Variants in VAT1L observed in about 807,000 individuals in gnomAD.
VAT1L encodes vesicle amine transport 1 like.
In VAT1L, 34 loss-of-function variants were observed where a neutral mutation model predicts 44.1. That is an observed-to-expected ratio of 0.77 (90% CI 0.59 to 1.03). The LOEUF is 1.03. Among genes scored for constraint, VAT1L ranks in the 50% least tolerant of loss-of-function variants. The probability of loss-of-function intolerance (pLI) is 0.00; values close to 1 mark genes in which losing one functional copy is unlikely to be tolerated. For missense variants in VAT1L, 615 were observed against 538.8 expected (o/e 1.14, Z -1.40); for synonymous variants, 253 against 202.2 (o/e 1.25, Z -2.13).
intron 1 of VAT1L, among the ~76,000 whole-genome samples, chr16:77,805,527 G>C (rs1014867038): frequency 1.1e-4 from 16 of 150,990 alleles, no homozygotes; most frequent in African/African-American, 3.7e-4. Flanking sequence ...CAAGACGAGA[G>C]CAGAATAAGC....
chr16:77,937,213 T>C (rs1434424137), intron 7 of VAT1L, among the ~76,000 whole-genome samples: 3 of 151,982 alleles, frequency 2.0e-5, no homozygotes, highest in Admixed American at 1.3e-4. Flanking sequence ...CACCTGGGAG[T>C]AGCCCCAGCC....
chr16:77,945,257 G>A (rs1261048687), intron 7 of VAT1L, among the ~76,000 whole-genome samples: 1 of 138,076 alleles, frequency 7.2e-6, no homozygotes, highest in Non-Finnish European at 1.6e-5. Context: ...CACTTGGAAT[G>A]GCCAATTCCA....
chr16:77,801,783 G>C (rs965548327), intron 1 of VAT1L: 2 of 150,382 alleles, frequency 1.3e-5, no homozygotes, highest in African/African-American at 4.9e-5. Context: ...TCTACGCTAC[G>C]CCTAGTTCAA....
intron 7 of VAT1L, among the ~76,000 whole-genome samples, chr16:77,900,584 A>G (rs2017370414): frequency 6.6e-6 from 1 of 151,778 alleles, no homozygotes; most frequent in African/African-American, 2.4e-5. Context: ...AGTCCCAGCT[A>G]CTTAGGAGGC....
chr16:77,857,810 AT>A (rs2142438949), intron 3 of VAT1L, among the ~76,000 whole-genome samples: 1 of 149,998 alleles, frequency 6.7e-6, no homozygotes, highest in African/African-American at 2.4e-5. Context: ...TACATAAGTG[AT>A]TTGGATTACC....
chr16:77,815,518 G>A (rs1431697269), intron 1 of VAT1L, among the ~76,000 whole-genome samples: 1 of 152,156 alleles, frequency 6.6e-6, no homozygotes, highest in Non-Finnish European at 1.5e-5. Context: ...AGAAGGTGGT[G>A]AGTTTTGAGC....
At chr16:77,945,249 C>CT (rs1198352654) in intron 7 of VAT1L, among the ~76,000 whole-genome samples, 1 of 139,220 alleles carries the variant, frequency 7.2e-6, no homozygotes, top group Non-Finnish European at 1.6e-5. Context: ...CACTGACTCA[C>CT]TTGGAATGGC....
intron 2 of VAT1L, among the ~76,000 whole-genome samples, chr16:77,823,181 C>T (rs989069001): frequency 2.6e-5 from 4 of 151,890 alleles, no homozygotes; most frequent in South Asian, 2.1e-4. Context: ...GAGCGCTCAC[C>T]TCCAGGCTAC....
intron 7 of VAT1L, among the ~76,000 whole-genome samples, chr16:77,959,219 C>T (rs77250198): frequency 0.083 from 12,582 of 152,210 alleles, 582 homozygotes; most frequent in Middle Eastern, 0.12. Flanking sequence ...CCTTTCTCTA[C>T]CCTTCCAGTC....
chr16:77,948,419 A>G (rs1431185594), intron 7 of VAT1L, among the ~76,000 whole-genome samples: 1 of 152,182 alleles, frequency 6.6e-6, no homozygotes, highest in African/African-American at 2.4e-5. Context: ...CCATCATCAA[A>G]CATATGCTGG....
At chr16:77,817,304 A>G (rs767947631) in intron 2 of VAT1L, among the ~76,000 whole-genome samples, 1 of 152,196 alleles carries the variant, frequency 6.6e-6, no homozygotes, top group Non-Finnish European at 1.5e-5. Context: ...CATGTCATGC[A>G]GCTATTCAAC....
intron 3 of VAT1L, among the ~76,000 whole-genome samples, chr16:77,862,223 A>G (rs1236837121): frequency 6.6e-6 from 1 of 152,188 alleles, no homozygotes; most frequent in Admixed American, 6.5e-5. Context: ...GGTTGTCACA[A>G]CTGGGAGGAT....
chr16:77,814,185 A>G (rs990034893), intron 1 of VAT1L, among the ~76,000 whole-genome samples: 1 of 152,180 alleles, frequency 6.6e-6, no homozygotes, highest in Admixed American at 6.5e-5. Flanking sequence ...GACACAAACT[A>G]AACGCTCAGC....
chr16:77,815,337 C>G (rs1376595880), intron 1 of VAT1L, among the ~76,000 whole-genome samples: 1 of 152,198 alleles, frequency 6.6e-6, no homozygotes, highest in Non-Finnish European at 1.5e-5. Context: ...CTTCATTCAG[C>G]AGATGTTACT....
chr16:77,916,026 T>C (rs904508550), intron 7 of VAT1L, among the ~76,000 whole-genome samples: 3 of 152,156 alleles, frequency 2.0e-5, no homozygotes, highest in African/African-American at 7.2e-5. Context: ...AAGTCATTCA[T>C]TGAGAGCTGT....
chr16:77,895,503 A>T (rs773077422), intron 7 of VAT1L, among the ~76,000 whole-genome samples: 1 of 152,152 alleles, frequency 6.6e-6, no homozygotes, highest in Admixed American at 6.5e-5. Flanking sequence ...TTGGAGTCAG[A>T]GGAGCAGATG....
At chr16:77,836,515 T>C (rs778743415) in intron 3 of VAT1L, among the ~76,000 whole-genome samples, 23 of 152,218 alleles carry the variant, frequency 1.5e-4, no homozygotes, top group African/African-American at 5.3e-4. Context: ...AAGACCCTCT[T>C]TCCCTAACTG....
chr16:77,911,802 C>T (rs993464178), intron 7 of VAT1L, among the ~76,000 whole-genome samples: 6 of 152,210 alleles, frequency 3.9e-5, no homozygotes, highest in African/African-American at 1.2e-4. Context: ...CAGCTGTCCT[C>T]ACTCCCCACC....
chr16:77,804,394 T>C (rs1489656071), intron 1 of VAT1L, among the ~76,000 whole-genome samples: 2 of 152,308 alleles, frequency 1.3e-5, no homozygotes, highest in African/African-American at 4.8e-5. Flanking sequence ...CTTTTCTGTT[T>C]CTGCTGAAAA....
Sources: allele counts gnomAD v4.1 joint callset (sites outside exome capture counted in the v4.1 genomes callset), GRCh38; gene constraint gnomAD v4.1.1; transcripts MANE v1.5; gene names NCBI Gene and HGNC (gene_info 2026-07-23, HGNC 2026-07-21).